Variants in RSRC1 observed in about 807,000 individuals in gnomAD.
RSRC1 encodes the protein arginine and serine rich coiled-coil 1.
A neutral mutation model predicts 49.1 loss-of-function variants in RSRC1; 39 were observed. That is an observed-to-expected ratio of 0.79 (90% confidence interval 0.61 to 1.04). RSRC1 has a LOEUF of 1.04. Among genes scored for constraint, RSRC1 ranks in the 50% least tolerant of loss-of-function variants. The pLI, the probability that RSRC1 is intolerant of heterozygous loss-of-function variation, is 0.00. For missense variants in RSRC1, 388 were observed against 402.4 expected (o/e 0.96, Z 0.31); for synonymous variants, 143 against 130.8 (o/e 1.09, Z -0.63).
At chr3:158,490,436 C>A (rs936338068) in intron 7 of RSRC1, among the ~76,000 whole-genome samples, 3 of 152,144 alleles carry the variant, frequency 2.0e-5, no homozygotes, top group Non-Finnish European at 4.4e-5. Flanking sequence ...TAGTGCAATT[C>A]TTTAAATTAT....
rs375823838 is a variant in RSRC1 at position 158,123,287 on chromosome 3, G to A, written c.195-579G>A. ...CTCCCAAAATGTTGGGATTACAGGCGTGAGCCACCGTGCCTGGCCTTAATT... is the reference window on the plus strand; with the variant it reads ...CTCCCAAAATGTTGGGATTACAGGCATGAGCCACCGTGCCTGGCCTTAATT... On this transcript the variant is annotated intron_variant, in intron 2 of 9. Transcript: ENST00000611884. 2.2e-4 allele frequency among the ~76,000 whole-genome samples: 34 copies of A among 152,134 alleles called. No individual in the cohort carries two copies. The East Asian group carries it at 4.3e-3, about 19-fold the overall frequency.
intron 3 of RSRC1, among the ~76,000 whole-genome samples, chr3:158,191,409 T>G (rs1237123770): frequency 1.3e-5 from 2 of 152,102 alleles, no homozygotes; most frequent in African/African-American, 4.8e-5. Flanking sequence ...GTATTGTAGT[T>G]TTCTTTTGAA....
chr3:158,350,177 T>A (rs1450478261), intron 5 of RSRC1, among the ~76,000 whole-genome samples: 2 of 80,488 alleles, frequency 2.5e-5, no homozygotes, highest in Non-Finnish European at 2.3e-5. Context: ...TATATATATA[T>A]AATTTTTTTT....
intron 6 of RSRC1, among the ~76,000 whole-genome samples, chr3:158,424,435 G>T (rs941945546): frequency 2.6e-5 from 4 of 151,424 alleles, no homozygotes; most frequent in African/African-American, 4.9e-5. Flanking sequence ...AAGCCCACTT[G>T]ATCATGGTGG....
At chr3:158,471,456 G>C (rs1399386929) in intron 7 of RSRC1, among the ~76,000 whole-genome samples, 10 of 152,166 alleles carry the variant, frequency 6.6e-5, no homozygotes, top group Non-Finnish European at 2.9e-5. Context: ...AAAAGCAACA[G>C]TAATGATGGT....
intron 5 of RSRC1, among the ~76,000 whole-genome samples, chr3:158,320,789 C>G (rs1425604512): frequency 1.3e-5 from 2 of 152,066 alleles, no homozygotes; most frequent in Non-Finnish European, 2.9e-5. Context: ...CTTATTCTAG[C>G]CCTTCCCGTC....
At chr3:158,509,564 G>A (rs1056508966) in intron 7 of RSRC1, among the ~76,000 whole-genome samples, 6 of 151,928 alleles carry the variant, frequency 3.9e-5, no homozygotes, top group South Asian at 2.1e-4. Flanking sequence ...TGGGAGGATC[G>A]CTTGAGCCCA....
chr3:158,165,046 G>A (rs1237492235), intron 3 of RSRC1, among the ~76,000 whole-genome samples: 1 of 152,118 alleles, frequency 6.6e-6, no homozygotes, highest in Non-Finnish European at 1.5e-5. Context: ...TAAAATAAAA[G>A]CAAATGCAAC....
chr3:158,469,311 C>A, intron 7 of RSRC1: 1 of 404,932 alleles, frequency 2.5e-6, no homozygotes, highest in South Asian at 1.9e-5. Context: ...TTAATTCAAT[C>A]ATCCTAAAGT....
At chr3:158,110,324 G>C (rs963274826) in intron 1 of RSRC1, 101 bp downstream of exon 1, 1 of 152,450 alleles carries the variant, frequency 6.6e-6, no homozygotes, top group Non-Finnish European at 1.5e-5. Flanking sequence ...GCAGTTTGCG[G>C]CTCAGTGTCT....
chr3:158,141,007 A>T (rs1716716491), intron 3 of RSRC1, among the ~76,000 whole-genome samples: 1 of 152,186 alleles, frequency 6.6e-6, no homozygotes, highest in Non-Finnish European at 1.5e-5. Flanking sequence ...TAATTTATAA[A>T]ACTGGTAACT....
intron 6 of RSRC1, among the ~76,000 whole-genome samples, chr3:158,456,511 A>G (rs1342187120): frequency 1.3e-5 from 2 of 152,178 alleles, no homozygotes; most frequent in African/African-American, 4.8e-5. Flanking sequence ...GGAGACAAGT[A>G]TATGTTCTTC....
intron 5 of RSRC1, among the ~76,000 whole-genome samples, chr3:158,325,815 T>C (rs1261016761): frequency 6.6e-6 from 1 of 152,332 alleles, no homozygotes; most frequent in Middle Eastern, 3.4e-3. Flanking sequence ...TAAATTACCT[T>C]GGGCAGTATG....
At chr3:158,159,081 C>T (rs570663701) in intron 3 of RSRC1, among the ~76,000 whole-genome samples, 1 of 152,224 alleles carries the variant, frequency 6.6e-6, no homozygotes, top group South Asian at 2.1e-4. Flanking sequence ...CCCAGAGACC[C>T]TCTCTTGTCC....
At position 158,121,928 on chromosome 3, in the gene RSRC1, C is replaced by G. The variant is rs149729673; in HGVS notation, c.-2-175C>G. On this transcript the variant is annotated intron_variant, in intron 1 of 9. Transcript: ENST00000611884. ...GGCTTGGGGGAAGGATCGCTGGAGC[C>G]CAGGACTTCCAGGTTGCAGTGAGCA... Among the ~76,000 whole-genome samples, 210 of 152,118 alleles carry G rather than the reference C, an allele frequency of 1.4e-3. 2 individuals carry two copies. The highest frequency in any genetic ancestry group is 4.0e-3 in the African/African-American group (166 of 41,508).
intron 7 of RSRC1, among the ~76,000 whole-genome samples, chr3:158,510,118 G>T (rs1040224514): frequency 2.0e-5 from 3 of 152,062 alleles, no homozygotes; most frequent in African/African-American, 7.3e-5. Context: ...TTTGATTGTT[G>T]CCAGTGTATG....
chr3:158,193,759 A>G (rs1440757646), intron 3 of RSRC1, among the ~76,000 whole-genome samples: 2 of 152,140 alleles, frequency 1.3e-5, no homozygotes, highest in Non-Finnish European at 2.9e-5. Flanking sequence ...ATCAGGTAAC[A>G]TCTGTGGGGA....
chr3:158,482,062 A>T (rs1560060940), intron 7 of RSRC1, among the ~76,000 whole-genome samples: 1 of 152,050 alleles, frequency 6.6e-6, no homozygotes, highest in Non-Finnish European at 1.5e-5. Flanking sequence ...GCAGTTTAAT[A>T]AAGTCATTAA....
intron 3 of RSRC1, among the ~76,000 whole-genome samples, chr3:158,169,604 G>A (rs1270744492): frequency 6.6e-6 from 1 of 151,768 alleles, no homozygotes; most frequent in East Asian, 1.9e-4. Flanking sequence ...CTTATTTTTT[G>A]TTTTGATTGC....
Sources: gnomAD v4.1 joint callset for allele counts (sites outside exome capture counted in the v4.1 genomes callset) on GRCh38, gnomAD v4.1.1 for gene constraint, MANE v1.5 for transcripts, NCBI Gene and HGNC (gene_info 2026-07-23, HGNC 2026-07-21) for gene names.